The following PUDP variants were observed in gnomAD, a reference collection of about 807,000 sequenced individuals.
The protein encoded by PUDP is pseudouridine-5'-phosphatase.
A neutral mutation model predicts 9.4 loss-of-function variants in PUDP; 8 were observed. The ratio of observed to expected loss-of-function variants is 0.85; its 90% CI spans 0.50 to 1.53. The LOEUF (loss-of-function observed/expected upper bound fraction) is 1.53. PUDP is among the 40% of genes most tolerant of loss of function. PUDP has a pLI of 0.00. For missense variants in PUDP, 188 were observed against 189.7 expected, an observed-to-expected ratio of 0.99 and a Z score of 0.05; for synonymous variants, 99 against 80.7, an observed-to-expected ratio of 1.23 and a Z score of -1.22.
At chrX:6,995,472 T>C (rs1929238050) in intron 1 of PUDP, among the ~76,000 whole-genome samples, 2 of 111,740 alleles carry the variant, frequency 1.8e-5, no homozygotes, top group Admixed American at 9.5e-5. Flanking sequence ...ACCTGTAATT[T>C]CAGCACTTTC....
chrX:6,749,318 C>G lies in PUDP; in HGVS notation c.*248-42852G>C, dbSNP rs140258815. Among the ~76,000 whole-genome samples, 7 of 111,424 alleles carry G rather than the reference C, an allele frequency of 6.3e-5. No homozygotes were observed. In the East Asian group the frequency reaches 1.7e-3, roughly 27 times the overall value. ...TTTGGTGCTCAGAGAGCAGTAAAGT[C>G]ATGAATTTTCACTGTTGGATGTGCC... On this transcript the variant is annotated intron_variant and NMD_transcript_variant, in intron 3 of 3. Coordinates refer to the PUDP transcript ENST00000655425.
At chrX:6,898,841 G>A (rs1360544130) in intron 3 of PUDP, among the ~76,000 whole-genome samples, 1 of 112,201 alleles carries the variant, frequency 8.9e-6, no homozygotes, top group Admixed American at 9.5e-5. Context: ...AACACTGAAA[G>A]GAGGTGGTGG....
chrX:6,980,362 C>A (rs992093011), intron 1 of PUDP, among the ~76,000 whole-genome samples: 3 of 110,646 alleles, frequency 2.7e-5, no homozygotes, highest in Admixed American at 9.7e-5. Flanking sequence ...GCATGTGCCA[C>A]CATACCTGGC....
At chrX:7,146,691 G>A (rs1207737237) in intron 1 of PUDP, among the ~76,000 whole-genome samples, 4 of 111,056 alleles carry the variant, frequency 3.6e-5, no homozygotes, top group South Asian at 3.8e-4. Context: ...GCAATATGAT[G>A]AGCAGAAACA....
chrX:6,935,263 C>A (rs1280027913), intron 3 of PUDP, among the ~76,000 whole-genome samples: 7 of 94,018 alleles, frequency 7.4e-5, no homozygotes, highest in Admixed American at 1.2e-4. Context: ...TGTAAAAGAA[C>A]AGAAATTATA....
At chrX:7,037,127 C>G (rs1244748420) in intron 1 of PUDP, among the ~76,000 whole-genome samples, 2 of 111,107 alleles carry the variant, frequency 1.8e-5, no homozygotes, top group Non-Finnish European at 1.9e-5. Flanking sequence ...GAATTTTGGG[C>G]AAAGTTCTGG....
intron 1 of PUDP, among the ~76,000 whole-genome samples, chrX:7,118,457 C>A (rs1381367810): frequency 8.9e-6 from 1 of 112,243 alleles, no homozygotes; most frequent in African/African-American, 3.2e-5. Flanking sequence ...CCCAAACCTA[C>A]CTGGTTCAAA....
intron 3 of PUDP, among the ~76,000 whole-genome samples, chrX:6,887,319 G>A (rs1602659971): frequency 9.2e-6 from 1 of 108,704 alleles, no homozygotes; most frequent in East Asian, 2.8e-4. Flanking sequence ...AGGTTTTAAA[G>A]ATTTTTTGGA....
intron 1 of PUDP, among the ~76,000 whole-genome samples, chrX:7,125,742 T>C (rs911013455): frequency 1.8e-5 from 2 of 111,654 alleles, no homozygotes; most frequent in African/African-American, 3.3e-5. Flanking sequence ...GAAAGGCACA[T>C]CTCACTTGGC....
chrX:7,002,907 C>T (rs147290264), intron 1 of PUDP, among the ~76,000 whole-genome samples: 1 of 110,265 alleles, frequency 9.1e-6, no homozygotes, highest in East Asian at 2.9e-4. Flanking sequence ...CACCAAGGAG[C>T]CCCGGAAAGC....
chrX:7,041,374 T>C (rs570056676), intron 1 of PUDP, among the ~76,000 whole-genome samples: 58 of 111,714 alleles, frequency 5.2e-4, no homozygotes, highest in Admixed American at 4.4e-3. Context: ...CTGTGTTACA[T>C]TTGCAGGACT....
At chrX:6,978,364 AG>A (rs1928984740) in intron 1 of PUDP, among the ~76,000 whole-genome samples, 1 of 112,110 alleles carries the variant, frequency 8.9e-6, no homozygotes, top group African/African-American at 3.2e-5. Context: ...AGAGAGAGAG[AG>A]AGAGAACAAC....
At chrX:6,924,793 G>A (rs144983220) in intron 3 of PUDP, among the ~76,000 whole-genome samples, 38 of 112,546 alleles carry the variant, frequency 3.4e-4, no homozygotes, top group African/African-American at 7.4e-4. Context: ...AAAACAATGC[G>A]TTATTTAAAT....
intron 3 of PUDP, among the ~76,000 whole-genome samples, chrX:6,947,289 A>G (rs940048782): frequency 5.4e-5 from 6 of 111,416 alleles, no homozygotes; most frequent in Non-Finnish European, 7.5e-5. Context: ...CTGGGATTAC[A>G]GGCATGAGTC....
At chrX:6,803,024 T>TAAA (rs1369586377) in intron 3 of PUDP, among the ~76,000 whole-genome samples, 5 of 3,179 alleles carry the variant, frequency 1.6e-3, no homozygotes, top group African/African-American at 5.7e-3. Flanking sequence ...TAAAATAAAA[T>TAAA]ATAAAATAAA....
At chrX:7,071,023 T>C (rs1163184784) in intron 3 of PUDP, among the ~76,000 whole-genome samples, 5 of 112,343 alleles carry the variant, frequency 4.5e-5, no homozygotes, top group Non-Finnish European at 9.4e-5. Flanking sequence ...ACATATGCAA[T>C]GTACGATAAG....
chrX:6,759,384 C>A (rs1925204429), intron 3 of PUDP, among the ~76,000 whole-genome samples: 1 of 112,401 alleles, frequency 8.9e-6, no homozygotes. Flanking sequence ...TAGATTCTAA[C>A]ATCAAGCTTC....
At chrX:6,980,367 C>T (rs896446460) in intron 1 of PUDP, among the ~76,000 whole-genome samples, 1 of 110,666 alleles carries the variant, frequency 9.0e-6, no homozygotes, top group Non-Finnish European at 1.9e-5. Context: ...TGCCACCATA[C>T]CTGGCTAATG....
At chrX:6,766,174 G>A (rs955060692) in intron 3 of PUDP, among the ~76,000 whole-genome samples, 3 of 111,708 alleles carry the variant, frequency 2.7e-5, no homozygotes, top group Non-Finnish European at 5.6e-5. Flanking sequence ...AAATCAGGAC[G>A]TTCTCCAATG....
Sources: allele counts gnomAD v4.1 joint callset (sites outside exome capture counted in the v4.1 genomes callset), GRCh38; gene constraint gnomAD v4.1.1; transcripts MANE v1.5; gene names NCBI Gene and HGNC (gene_info 2026-07-23, HGNC 2026-07-21).